The following EPCIP variants were observed in gnomAD, a reference collection of about 807,000 sequenced individuals.
The protein encoded by EPCIP is exosomal polycystin 1 interacting protein.
At chr21:32,796,878 G>A in the EPCIP span, 2 of 430,872 alleles carry the variant, frequency 4.6e-6, no homozygotes, top group African/African-American at 4.1e-5. Context: ...AGAAAAAAGA[G>A]GGGAGAGGTC....
chr21:32,801,594 A>C, the EPCIP span, among the ~76,000 whole-genome samples: 34 of 152,190 alleles, frequency 2.2e-4, no homozygotes, highest in Non-Finnish European at 4.6e-4. Flanking sequence ...TAATTCCAGC[A>C]CTTTGGGAAG....
the EPCIP span, among the ~76,000 whole-genome samples, chr21:32,809,341 T>TTTCTTTCA: frequency 7.0e-6 from 1 of 141,930 alleles, no homozygotes; most frequent in Admixed American, 7.3e-5. Context: ...TCTTTCTTTC[T>TTTCTTTCA]TTCCTCTTTC....
chr21:32,796,030 T>C, the EPCIP span, among the ~76,000 whole-genome samples: 19 of 151,080 alleles, frequency 1.3e-4, no homozygotes, highest in Non-Finnish European at 2.4e-4. Flanking sequence ...CCCTCCTTCC[T>C]TCCCTCCTTC....
chr21:32,793,492 C>G, the EPCIP span: 6 of 544,462 alleles, frequency 1.1e-5, no homozygotes, highest in African/African-American at 1.1e-4. Context: ...AGAGACCAAG[C>G]CTAGCTGGCT....
chr21:32,810,625 C>T, the EPCIP span: 31 of 471,402 alleles, frequency 6.6e-5, no homozygotes, highest in South Asian at 2.9e-4. Flanking sequence ...TCTGTATGTG[C>T]GTCCACTCTC....
the EPCIP span, among the ~76,000 whole-genome samples, chr21:32,809,212 T>TGTGC: frequency 5.3e-5 from 8 of 151,428 alleles, no homozygotes; most frequent in Non-Finnish European, 7.4e-5. Context: ...TGTGTGTGTG[T>TGTGC]GTGTGTGTGT....
the EPCIP span, among the ~76,000 whole-genome samples, chr21:32,804,122 C>T: frequency 6.6e-6 from 1 of 152,022 alleles, no homozygotes; most frequent in East Asian, 1.9e-4. Context: ...TTTGAGAGGA[C>T]ACACTTTAAA....
At chr21:32,797,179 GCAA>G in the EPCIP span, 1 of 315,630 alleles carries the variant, frequency 3.2e-6, no homozygotes, top group East Asian at 9.7e-5. Context: ...ACCAAGTGGG[GCAA>G]ATACCCCTGG....
At chr21:32,809,420 G>C in the EPCIP span, among the ~76,000 whole-genome samples, 57 of 148,262 alleles carry the variant, frequency 3.8e-4, no homozygotes, top group African/African-American at 1.4e-3. Context: ...GTCTTGCTCT[G>C]TCACCCAGGC....
At chr21:32,813,384 T>C in the EPCIP span, among the ~76,000 whole-genome samples, 3 of 152,338 alleles carry the variant, frequency 2.0e-5, no homozygotes, top group South Asian at 4.1e-4. Context: ...GGAATTCATA[T>C]GCCTGGAAGC....
the EPCIP span, among the ~76,000 whole-genome samples, chr21:32,796,249 G>A: frequency 6.6e-6 from 1 of 152,222 alleles, no homozygotes; most frequent in South Asian, 2.1e-4. Context: ...TGAGGATGGA[G>A]AGGCTATAGC....
At chr21:32,796,006 T>TTCCTTCCC in the EPCIP span, among the ~76,000 whole-genome samples, 5 of 27,562 alleles carry the variant, frequency 1.8e-4, no homozygotes, top group Admixed American at 3.9e-4. Context: ...CCTTCCCTCT[T>TTCCTTCCC]TCCTTCCCTC....
chr21:32,796,841 T>C, the EPCIP span: 2 of 373,378 alleles, frequency 5.4e-6, no homozygotes, highest in Admixed American at 7.7e-5. Flanking sequence ...GTCAATACTG[T>C]TGGCCCACCC....
chr21:32,794,397 G>A, the EPCIP span: 1 of 1,613,688 alleles, frequency 6.2e-7, no homozygotes, highest in Non-Finnish European at 8.5e-7. Flanking sequence ...ATCAGAAGAA[G>A]ACAGTGCCTG....
the EPCIP span, among the ~76,000 whole-genome samples, chr21:32,810,125 T>G: frequency 6.6e-6 from 1 of 152,174 alleles, no homozygotes; most frequent in Admixed American, 6.6e-5. Context: ...AGCATCTGAC[T>G]TAGTTGCCTC....
the EPCIP span, among the ~76,000 whole-genome samples, chr21:32,795,392 G>A: frequency 5.9e-5 from 9 of 152,202 alleles, no homozygotes; most frequent in Non-Finnish European, 1.0e-4. Context: ...ACAGATGCAG[G>A]ATCCTCCTTT....
chr21:32,800,877 G>A, the EPCIP span, among the ~76,000 whole-genome samples: 1 of 152,030 alleles, frequency 6.6e-6, no homozygotes, highest in African/African-American at 2.4e-5. Flanking sequence ...AAATTTGGAT[G>A]TGTAGACATC....
chr21:32,810,010 A>T, the EPCIP span, among the ~76,000 whole-genome samples: 1 of 152,124 alleles, frequency 6.6e-6, no homozygotes, highest in Non-Finnish European at 1.5e-5. Context: ...TTTTGCTGTA[A>T]TCATTCTATT....
the EPCIP span, among the ~76,000 whole-genome samples, chr21:32,803,066 G>A: frequency 6.6e-6 from 1 of 152,182 alleles, no homozygotes; most frequent in Admixed American, 6.5e-5. Context: ...AAGCCTAGCT[G>A]CTAGTGAGGG....
Sources: allele counts gnomAD v4.1 joint callset (sites outside exome capture counted in the v4.1 genomes callset), GRCh38; gene constraint gnomAD v4.1.1; transcripts MANE v1.5; gene names NCBI Gene and HGNC (gene_info 2026-07-23, HGNC 2026-07-21).